The following SYK variants were observed in gnomAD, a reference collection of about 807,000 sequenced individuals.
SYK encodes the protein spleen associated tyrosine kinase, also known as tyrosine-protein kinase SYK.
A neutral mutation model predicts 77.8 loss-of-function variants in SYK; 16 were observed. The ratio of observed to expected loss-of-function variants is 0.21; its 90% CI spans 0.14 to 0.31. The LOEUF (loss-of-function observed/expected upper bound fraction) is 0.31, where lower values mean the gene tolerates loss of function less well. Among genes scored for constraint, SYK ranks in the 10% least tolerant of loss-of-function variants. The pLI is 1.00. For synonymous variants in SYK, 312 were observed against 308.7 expected (o/e 1.01, Z -0.11); for missense variants, 529 against 814.4 (o/e 0.65, Z 4.26).
chr9:90,874,166 A>G, intron 7 of SYK, 38 bp from the exon 8 acceptor site: 1 of 1,517,528 alleles, frequency 6.6e-7, no homozygotes, highest in Non-Finnish European at 9.1e-7. Flanking sequence ...AGTTTTGTGG[A>G]TGAAGAAAAA....
chr9:90,843,057 G>A lies in SYK; in HGVS notation c.-41-801G>A, dbSNP rs140790483. ...TGTCTCTCCTGTGTCAGATGTCCTC[G>A]TGGGCTGGGAACCGGCACTATCTCT... On this transcript the variant is annotated intron_variant, in intron 1 of 13. Transcript: ENST00000375754. Among the ~76,000 whole-genome samples, 520 of 152,234 alleles carry A rather than the reference G, an allele frequency of 3.4e-3. 3 individuals are homozygous for A. The highest frequency in any genetic ancestry group is 0.01 in the Middle Eastern group (3 of 294).
intron 1 of SYK, among the ~76,000 whole-genome samples, chr9:90,833,547 G>A (rs990634506): frequency 3.9e-5 from 6 of 152,188 alleles, no homozygotes; most frequent in African/African-American, 1.4e-4. Context: ...ATGGGCTCTG[G>A]ACAGCTTGTT....
chr9:90,868,183 C>T (rs1827589931), intron 7 of SYK, among the ~76,000 whole-genome samples: 1 of 152,158 alleles, frequency 6.6e-6, no homozygotes, highest in South Asian at 2.1e-4. Context: ...AGATTTAATG[C>T]AGTGTTCGAG....
At chr9:90,839,439 CCA>C (rs886380613) in intron 1 of SYK, among the ~76,000 whole-genome samples, 10 of 152,092 alleles carry the variant, frequency 6.6e-5, no homozygotes, top group African/African-American at 2.4e-4. Flanking sequence ...ACCATCAAAG[CCA>C]CACAGAGTGT....
intron 9 of SYK, 82 bp from the exon 10 acceptor site, chr9:90,877,489 G>A (rs529938816): frequency 1.4e-5 from 20 of 1,474,846 alleles, no homozygotes; most frequent in Non-Finnish European, 1.7e-5. Flanking sequence ...GTTTCCACAG[G>A]GGGATTATGC....
intron 13 of SYK, among the ~76,000 whole-genome samples, chr9:90,891,208 C>T (rs1016816983): frequency 1.7e-4 from 25 of 145,208 alleles, no homozygotes; most frequent in African/African-American, 5.6e-4. Context: ...TGCAGTGGCG[C>T]GATCTGGGCT....
At chr9:90,868,286 G>C (rs1475648436) in intron 7 of SYK, among the ~76,000 whole-genome samples, 1 of 152,158 alleles carries the variant, frequency 6.6e-6, no homozygotes, top group Non-Finnish European at 1.5e-5. Flanking sequence ...ATTACTCACA[G>C]TGGCTAAAGA....
At chr9:90,807,273 A>C (rs1482492917) in intron 1 of SYK, among the ~76,000 whole-genome samples, 1 of 152,160 alleles carries the variant, frequency 6.6e-6, no homozygotes, top group Non-Finnish European at 1.5e-5. Flanking sequence ...CAAGCTCCTT[A>C]GGCTTTGCTT....
Position 90,898,112 on chromosome 9 carries a change from A to G in SYK, c.*2512A>G. 4.4e-6 allele frequency: 1 copy of G among 228,498 alleles called. No individual in the cohort carries two copies. Among genetic ancestry groups the G allele is most frequent in the Non-Finnish European group, 8.7e-6 (1 of 115,174 alleles). The allele number at this position is 228,498 out of a possible 1,614,324, so 14.2% of individuals were successfully genotyped here. A position where few individuals can be genotyped will look rare whatever the true frequency, so the allele number is the denominator to read the frequency against. Reference sequence around the variant, plus strand: ...CATAAGGTAAGGTGCCTTTTACCTTATGGTCCTTCTTTAGCAGGTAACAAA... The same window carrying G: ...CATAAGGTAAGGTGCCTTTTACCTTGTGGTCCTTCTTTAGCAGGTAACAAA... On this transcript the variant is annotated 3_prime_UTR_variant, in exon 14 of 14. Transcript: ENST00000375754.
At position 90,895,459 on chromosome 9, in the gene SYK, G is replaced by A; in HGVS notation, c.1836-69G>A. 3 of 1,536,446 alleles carry A rather than the reference G, an allele frequency of 2.0e-6. No individual in the cohort carries two copies. The highest frequency in any genetic ancestry group is 2.7e-6 in the Non-Finnish European group (3 of 1,114,136). ...GCACCACTGGTACTCAGCCTGCAGA[G>A]GCCCTGCTTGTGATCAGCAATTTTT... is the stretch of plus-strand genomic sequence containing the variant. On this transcript the variant is annotated intron_variant, in intron 13 of 13. Coordinates refer to ENST00000375754, the MANE Select transcript of SYK (RefSeq NM_003177.7). This position sits in a 1 kb window ranked among gnomAD's most constrained non-coding sequence, Gnocchi z 4.4.
chr9:90,896,320 G>A lies in SYK; in HGVS notation c.*720G>A. The A allele has an allele frequency of 4.3e-6, 1 of 233,296 alleles. No homozygotes were observed. The highest frequency in any genetic ancestry group is 8.5e-6 in the Non-Finnish European group (1 of 118,048). 14.5% of individuals were successfully genotyped at this position (233,296 alleles called of 1,614,324 possible). The stretch of plus-strand genomic sequence containing the variant: ...AATTGGCTTGGCTTACTTTCCCCCT[G>A]AAATCCTCTCTCCTGCAGACTGTCT... On this transcript the variant is annotated 3_prime_UTR_variant, in exon 14 of 14. Transcript: ENST00000375754.
At chr9:90,823,527 C>T (rs977201424) in intron 1 of SYK, among the ~76,000 whole-genome samples, 33 of 152,062 alleles carry the variant, frequency 2.2e-4, no homozygotes, top group Admixed American at 5.9e-4. Context: ...AAAGACTAAA[C>T]GTCATACCAA....
At chr9:90,852,556 G>A (rs1332937675) in intron 3 of SYK, among the ~76,000 whole-genome samples, 1 of 152,158 alleles carries the variant, frequency 6.6e-6, no homozygotes, top group Non-Finnish European at 1.5e-5. Flanking sequence ...TATTGTTTTT[G>A]GCTAAGAGTC....
At chr9:90,819,325 T>C (rs1306947166) in intron 1 of SYK, among the ~76,000 whole-genome samples, 2 of 152,196 alleles carry the variant, frequency 1.3e-5, no homozygotes, top group Non-Finnish European at 2.9e-5. Flanking sequence ...AATCCCCAAA[T>C]CAATAACCAT....
At chr9:90,807,261 AC>A (rs535619767) in intron 1 of SYK, among the ~76,000 whole-genome samples, 57 of 152,228 alleles carry the variant, frequency 3.7e-4, no homozygotes, top group African/African-American at 1.4e-3. Context: ...GCTGCTCCTT[AC>A]CAAGCTCCTT....
intron 1 of SYK, among the ~76,000 whole-genome samples, chr9:90,814,492 A>G (rs1373292566): frequency 6.6e-6 from 1 of 152,200 alleles, no homozygotes; most frequent in African/African-American, 2.4e-5. Flanking sequence ...GGCAGAGTAG[A>G]ACAGGTATTT....
chr9:90,843,353 C>A (rs746333774), intron 1 of SYK, among the ~76,000 whole-genome samples: 1 of 152,188 alleles, frequency 6.6e-6, no homozygotes, highest in Non-Finnish European at 1.5e-5. Context: ...CTCGAGGCAG[C>A]GTCTCGCAGC....
At chr9:90,885,897 A>C (rs1249728504) in intron 11 of SYK, among the ~76,000 whole-genome samples, 2 of 152,248 alleles carry the variant, frequency 1.3e-5, no homozygotes, top group African/African-American at 2.4e-5. Flanking sequence ...GTGCTGAAAG[A>C]AAAATACTGC....
At chr9:90,823,980 C>T (rs1825595804) in intron 1 of SYK, among the ~76,000 whole-genome samples, 1 of 150,940 alleles carries the variant, frequency 6.6e-6, no homozygotes, top group African/African-American at 2.4e-5. Flanking sequence ...AAATCATCAA[C>T]CAAATTGATA....
Sources: allele counts gnomAD v4.1 joint callset (sites outside exome capture counted in the v4.1 genomes callset), GRCh38; gene constraint gnomAD v4.1.1; non-coding constraint Gnocchi (gnomAD v3.1); transcripts MANE v1.5; gene names NCBI Gene and HGNC (gene_info 2026-07-23, HGNC 2026-07-21).